ASAP2: variants seen among roughly 807,000 people sequenced by gnomAD.
The protein encoded by ASAP2 is ArfGAP with SH3 domain, ankyrin repeat and PH domain 2, also known as arf-GAP with SH3 domain, ANK repeat and PH domain-containing protein 2.
A neutral mutation model predicts 131.4 loss-of-function variants in ASAP2; 45 were observed. The ratio of observed to expected loss-of-function variants is 0.34; its 90% confidence interval spans 0.27 to 0.44. ASAP2 has a LOEUF of 0.44. Ranked by LOEUF, ASAP2 falls within the 20% of genes least tolerant of loss-of-function variation. ASAP2 has a pLI of 1.00. For missense variants in ASAP2, 1,011 were observed against 1,297.0 expected (o/e 0.78, Z 3.39); for synonymous variants, 510 against 503.0 (o/e 1.01, Z -0.19).
chr2:9,341,616 A>G (rs752395174), intron 9 of ASAP2, among the ~76,000 whole-genome samples: 2 of 152,068 alleles, frequency 1.3e-5, no homozygotes, highest in Non-Finnish European at 2.9e-5. Context: ...TTCTCCCCCA[A>G]ATCAATAGAC....
chr2:9,391,236 TG>T (rs1256308974), intron 23 of ASAP2, 40 bp downstream of exon 23: 3 of 1,582,562 alleles, frequency 1.9e-6, no homozygotes, highest in Non-Finnish European at 2.6e-6. Context: ...CCGTGGGCTT[TG>T]TAGATCTGGA....
intron 18 of ASAP2, among the ~76,000 whole-genome samples, chr2:9,378,223 G>T (rs550443203): frequency 6.6e-6 from 1 of 152,184 alleles, no homozygotes; most frequent in Admixed American, 6.5e-5. Context: ...TTGTGCAGGG[G>T]CACAAAGCTC....
chr2:9,264,585 T>G (rs1665811064), intron 1 of ASAP2, among the ~76,000 whole-genome samples: 1 of 152,194 alleles, frequency 6.6e-6, no homozygotes, highest in Non-Finnish European at 1.5e-5. Context: ...ATCTTTCCCA[T>G]GCAAGTCATA....
At chr2:9,253,805 T>C (rs1319592310) in intron 1 of ASAP2, among the ~76,000 whole-genome samples, 1 of 152,128 alleles carries the variant, frequency 6.6e-6, no homozygotes, top group Non-Finnish European at 1.5e-5. Flanking sequence ...CCCCCTTAGC[T>C]GCATTTTACT....
Position 9,217,620 on chromosome 2 carries a change from G to GTTT in ASAP2, c.126+10399_126+10401dup, listed in dbSNP as rs58620535. On this transcript the variant is annotated intron_variant, in intron 1 of 27. Coordinates refer to ENST00000281419, the MANE Select transcript of ASAP2 (RefSeq NM_003887.3). This position sits in a 1 kb window ranked among gnomAD's most constrained non-coding sequence, Gnocchi z 4.0. ...TCTTAGAGGTATGTTTTTGTTTTTT[G>GTTT]TTTTTTTTTTTGAGACGGAGTCTTC... Among the ~76,000 whole-genome samples, 72 of 147,548 alleles carry GTTT rather than the reference G, an allele frequency of 4.9e-4. 1 individual carries two copies. The highest frequency in any genetic ancestry group is 1.0e-3 in the African/African-American group (40 of 40,122).
intron 2 of ASAP2, among the ~76,000 whole-genome samples, chr2:9,294,044 G>C (rs1315189746): frequency 2.7e-5 from 4 of 150,502 alleles, no homozygotes; most frequent in Non-Finnish European, 5.9e-5. Context: ...TTTTGCCCAG[G>C]CTAGAGTGCA....
At chr2:9,400,673 T>A in intron 25 of ASAP2, 69 bp from the exon 26 acceptor site, 1 of 1,389,982 alleles carries the variant, frequency 7.2e-7, no homozygotes. Context: ...CCCTGTGGCT[T>A]GTACATTGTT....
chr2:9,324,977 G>A (rs1012144439), intron 6 of ASAP2, among the ~76,000 whole-genome samples: 23 of 151,774 alleles, frequency 1.5e-4, no homozygotes, highest in Non-Finnish European at 1.2e-4. Flanking sequence ...TGTCTGTCTC[G>A]TGTCTTTTGC....
intron 12 of ASAP2, among the ~76,000 whole-genome samples, chr2:9,352,597 C>T (rs556961237): frequency 6.6e-6 from 1 of 152,330 alleles, no homozygotes; most frequent in East Asian, 1.9e-4. Flanking sequence ...CACCTTTTTA[C>T]AACACAGCAG....
chr2:9,396,903 G>A (rs1676190652), intron 24 of ASAP2, among the ~76,000 whole-genome samples: 3 of 152,212 alleles, frequency 2.0e-5, no homozygotes, highest in Non-Finnish European at 4.4e-5. Flanking sequence ...TCGGGAGGCA[G>A]AGGCAGGAGA....
intron 1 of ASAP2, among the ~76,000 whole-genome samples, chr2:9,231,052 T>C (rs1157980464): frequency 6.6e-6 from 1 of 152,208 alleles, no homozygotes; most frequent in East Asian, 1.9e-4. Flanking sequence ...TTTGCGGTTC[T>C]ATGTCGGTCA....
chr2:9,228,582 C>T (rs182094418), intron 1 of ASAP2, among the ~76,000 whole-genome samples: 2 of 152,176 alleles, frequency 1.3e-5, no homozygotes, highest in Admixed American at 1.3e-4. Flanking sequence ...GCAGAGTGAG[C>T]GGCCCCCATC....
intron 14 of ASAP2, 31 bp downstream of exon 14, chr2:9,356,376 T>A: frequency 1.3e-6 from 2 of 1,532,160 alleles, no homozygotes; most frequent in Non-Finnish European, 1.8e-6. Context: ...GACCCTGGGC[T>A]CTAGGACATT....
chr2:9,356,363 C>G lies in ASAP2; in HGVS notation c.1327+18C>G. 1.3e-6 allele frequency: 2 copies of G among 1,563,672 alleles called. No individual in the cohort carries two copies. Among genetic ancestry groups the G allele is most frequent in the Non-Finnish European group, 1.7e-6 (2 of 1,156,870 alleles). ...GGCGCCAGGTGACCCAGGGACCCCA[C>G]CCGACCCTGGGCTCTAGGACATTTC... is the stretch of plus-strand genomic sequence containing the variant. On this transcript the variant is annotated intron_variant, in intron 14 of 27. Transcript: ENST00000281419.
chr2:9,280,355 C>G (rs549005542), intron 2 of ASAP2, among the ~76,000 whole-genome samples: 3 of 152,058 alleles, frequency 2.0e-5, no homozygotes, highest in Non-Finnish European at 2.9e-5. Context: ...CCTGCTCCCC[C>G]CCACCGCCCC....
chr2:9,385,433 TA>T, intron 21 of ASAP2, 75 bp downstream of exon 21: 14 of 1,138,110 alleles, frequency 1.2e-5, no homozygotes, highest in Non-Finnish European at 1.6e-5. Flanking sequence ...AATCTGTAAT[TA>T]AGGCAGAAAG....
Position 9,350,867 on chromosome 2 carries a change from G to A in ASAP2, c.1083G>A (p.Glu361=), listed in dbSNP as rs1450516315. The A allele has an allele frequency of 6.2e-7, 1 of 1,613,342 alleles. No homozygotes were observed. Among genetic ancestry groups the A allele is most frequent in the East Asian group, 2.2e-5 (1 of 44,876 alleles). Residue 361 remains glutamate (E), a synonymous_variant, in exon 12 of 28, where the codon GAG becomes GAA. Coordinates refer to ENST00000281419, the MANE Select transcript of ASAP2 (RefSeq NM_003887.3). ...LLTCQVKTNP[E]EKKCFDLISH... ...CCTGCCAGGTGAAGACCAACCCTGA[G>A]GAGAAGAAGTGCTTTGACCTCATTT...
chr2:9,254,916 G>A (rs1665052652), intron 1 of ASAP2, among the ~76,000 whole-genome samples: 1 of 152,268 alleles, frequency 6.6e-6, no homozygotes, highest in South Asian at 2.1e-4. Flanking sequence ...AGGTAGACAC[G>A]TTTTATATTT....
chr2:9,244,035 C>T (rs1368626585), intron 1 of ASAP2, among the ~76,000 whole-genome samples: 2 of 152,134 alleles, frequency 1.3e-5, no homozygotes, highest in Non-Finnish European at 2.9e-5. Flanking sequence ...CACGTTGGCT[C>T]ATAACGATAA....
Sources: gnomAD v4.1 joint callset for allele counts (sites outside exome capture counted in the v4.1 genomes callset) on GRCh38, gnomAD v4.1.1 for gene constraint, Gnocchi (gnomAD v3.1) non-coding constraint, MANE v1.5 for transcripts, NCBI Gene and HGNC (gene_info 2026-07-23, HGNC 2026-07-21) for gene names.